Variants in MCFD2 observed in about 807,000 individuals in gnomAD.
MCFD2 encodes multiple coagulation factor deficiency protein 2.
In MCFD2, 11 loss-of-function variants were observed where a neutral mutation model predicts 12.8. The ratio of observed to expected loss-of-function variants is 0.86; its 90% CI spans 0.54 to 1.42. The LOEUF (loss-of-function observed/expected upper bound fraction) is 1.42. MCFD2 is among the 40% of genes most tolerant of loss of function. The pLI, the probability that MCFD2 is intolerant of heterozygous loss-of-function variation, is 0.00. For synonymous variants in MCFD2, 70 were observed against 68.1 expected, an observed-to-expected ratio of 1.03 and a Z score of -0.14; for missense variants, 191 against 178.6, an observed-to-expected ratio of 1.07 and a Z score of -0.40.
At chr2:46,920,890 TAAAG>T (rs1558472212) in intron 1 of MCFD2, among the ~76,000 whole-genome samples, 1 of 151,696 alleles carries the variant, frequency 6.6e-6, no homozygotes, top group Non-Finnish European at 1.5e-5. Context: ...CTTCGGTACT[TAAAG>T]AAATAAATAT....
chr2:46,911,850 C>T lies in MCFD2; in HGVS notation c.-6-2673G>A, dbSNP rs537822697. Among the ~76,000 whole-genome samples, 43 of 151,856 alleles carry T rather than the reference C, an allele frequency of 2.8e-4. No homozygotes were observed. In the East Asian group the frequency reaches 7.4e-3, roughly 26 times the overall value. Reference sequence around the variant, plus strand: ...CTGCGGCAGGAGAATGGCATGAACCCGGAGGTGGAGCCTGCAGTGAGCCGA... The same window carrying T: ...CTGCGGCAGGAGAATGGCATGAACCTGGAGGTGGAGCCTGCAGTGAGCCGA... On this transcript the variant is annotated intron_variant, in intron 1 of 3. Transcript: ENST00000319466.
rs1670265166 is a variant in MCFD2 at position 46,940,805 on chromosome 2, G to T, written c.-8+767C>A. On this transcript the variant is annotated intron_variant, in intron 1 of 2. Coordinates refer to the MCFD2 transcript ENST00000409147. The surrounding 1 kb of genome is among the most constrained non-coding windows in gnomAD (Gnocchi z 4.7). The stretch of plus-strand genomic sequence containing the variant: ...ATCGCAACAGGGCGGGGCGGACAGC[G>T]GCAGGCCAGCTCCCGGGAGGCTCGC... 6.6e-6 allele frequency among the ~76,000 whole-genome samples: 1 copy of T among 152,200 alleles called. No individual in the cohort carries two copies. Among genetic ancestry groups the T allele is most frequent in the Non-Finnish European group, 1.5e-5 (1 of 68,020 alleles).
At chr2:46,934,334 C>G (rs1669856921) in intron 1 of MCFD2, among the ~76,000 whole-genome samples, 1 of 152,240 alleles carries the variant, frequency 6.6e-6, no homozygotes, top group Non-Finnish European at 1.5e-5. Context: ...TCTCAGCTCA[C>G]TGCAACCTCT....
intron 3 of MCFD2, among the ~76,000 whole-genome samples, chr2:46,906,612 C>T (rs1227430826): frequency 6.6e-6 from 1 of 151,362 alleles, no homozygotes; most frequent in Non-Finnish European, 1.5e-5. Context: ...ACCCTCCCAC[C>T]CCGTCACCCC....
chr2:46,930,448 A>C (rs1572649020), intron 1 of MCFD2, among the ~76,000 whole-genome samples: 1 of 151,036 alleles, frequency 6.6e-6, no homozygotes, highest in Admixed American at 6.6e-5. Context: ...AAAAAAAAAA[A>C]ACTTACCAAA....
intron 1 of MCFD2, among the ~76,000 whole-genome samples, chr2:46,912,863 G>A (rs954657086): frequency 3.9e-5 from 6 of 152,156 alleles, no homozygotes; most frequent in African/African-American, 1.2e-4. Context: ...GAGCTGGGGG[G>A]ATTACCACCT....
upstream of MCFD2, among the ~76,000 whole-genome samples, chr2:46,918,772 A>G (rs1668948877): frequency 6.6e-6 from 1 of 152,106 alleles, no homozygotes; most frequent in African/African-American, 2.4e-5. Flanking sequence ...AACATTAGTG[A>G]GTGTTGCCTT....
chr2:46,926,226 GTGCTAGATGGTCGGGGAGACATA>G (rs1220483933), intron 1 of MCFD2, among the ~76,000 whole-genome samples: 1 of 152,228 alleles, frequency 6.6e-6, no homozygotes, highest in African/African-American at 2.4e-5. Context: ...GAGTGGAGCA[GTGCTAGATGGTCGGGGAGACATA>G]TTTAGTTAAT....
upstream of MCFD2, chr2:46,916,002 T>A: frequency 5.1e-6 from 5 of 985,330 alleles, no homozygotes; most frequent in Non-Finnish European, 1.2e-6. Flanking sequence ...AGGGCGACAC[T>A]CGGCTCCACT....
At chr2:46,928,930 A>C (rs1669547033) in intron 1 of MCFD2, among the ~76,000 whole-genome samples, 1 of 152,194 alleles carries the variant, frequency 6.6e-6, no homozygotes, top group African/African-American at 2.4e-5. Context: ...TGGGAGGCTG[A>C]GGTGGGTGGA....
chr2:46,915,569 C>T (rs1283978336), intron 1 of MCFD2, among the ~76,000 whole-genome samples, 154 bp downstream of exon 1: 3 of 152,204 alleles, frequency 2.0e-5, no homozygotes, highest in Non-Finnish European at 4.4e-5. Flanking sequence ...GGGAGACAGG[C>T]CGTGCTCCTA....
In MCFD2 at chr2:46,905,609, T is replaced by G; in HGVS notation, c.310-15A>C. The G allele has an allele frequency of 2.5e-6, 4 of 1,610,736 alleles. No homozygotes were observed. Among genetic ancestry groups the G allele is most frequent in the Non-Finnish European group, 2.5e-6 (3 of 1,179,058 alleles). ...TCACTCCCTTCCTACAAAATACAAA[T>G]TAGACAATGATGAGTTGCGCATTTT... On this transcript the variant is annotated splice_polypyrimidine_tract_variant and intron_variant, in intron 3 of 3. Coordinates refer to ENST00000319466, the MANE Select transcript of MCFD2 (RefSeq NM_139279.6).
intron 1 of MCFD2, among the ~76,000 whole-genome samples, chr2:46,932,517 A>G (rs1341015139): frequency 6.6e-6 from 1 of 152,170 alleles, no homozygotes. Flanking sequence ...ACATCTATGC[A>G]CTTTCTTTTG....
upstream of MCFD2, among the ~76,000 whole-genome samples, chr2:46,920,110 C>G (rs1669022139): frequency 6.6e-6 from 1 of 152,154 alleles, no homozygotes; most frequent in Admixed American, 6.5e-5. Context: ...TATCAAAGCA[C>G]ACATCACTCC....
rs890182689 is a variant in MCFD2, at chr2:46,902,512, T to C, written c.*2951A>G. On this transcript the variant is annotated 3_prime_UTR_variant, in exon 4 of 4. Transcript: ENST00000319466. ...AGAGAACACACTCAAATTCAGGGTC[T>C]CTCCCAGGTTGAAGAAGACAGAAAA... The C allele has an allele frequency of 3.3e-5, 5 of 152,612 alleles. No individual in the cohort carries two copies. The highest frequency in any genetic ancestry group is 7.3e-5 in the Non-Finnish European group (5 of 68,038). The allele number at this position is 152,612 out of a possible 1,614,324, so 9.5% of individuals were successfully genotyped here.
intron 1 of MCFD2, among the ~76,000 whole-genome samples, chr2:46,931,279 T>A (rs1341087581): frequency 1.3e-5 from 2 of 152,236 alleles, no homozygotes; most frequent in Non-Finnish European, 1.5e-5. Context: ...ATAGACAGGG[T>A]CTGGCTCTAT....
At chr2:46,917,210 G>T (rs1411345959), upstream of MCFD2, 7 of 700,514 alleles carry the variant, frequency 1.0e-5, no homozygotes, top group Non-Finnish European at 1.6e-5. Flanking sequence ...TGCCCAGCTC[G>T]TCTCGAACTC....
At position 46,905,447 on chromosome 2, in the gene MCFD2, G is replaced by C; in HGVS notation, c.*16C>G. 1 of 1,611,854 alleles carries C rather than the reference G, an allele frequency of 6.2e-7. No individual in the cohort carries two copies. Among genetic ancestry groups the C allele is most frequent in the South Asian group, 1.1e-5 (1 of 90,986 alleles). ...GGGTCACATTTGTATATAACCAGGA[G>C]ATGGCCAAATAACATCTACTGCAGT... On this transcript the variant is annotated 3_prime_UTR_variant, in exon 4 of 4. Transcript: ENST00000319466.
intron 1 of MCFD2, among the ~76,000 whole-genome samples, chr2:46,910,306 G>C (rs1265657106): frequency 5.3e-5 from 8 of 152,146 alleles, no homozygotes; most frequent in Admixed American, 5.2e-4. Context: ...AGGGCTGACA[G>C]ACTGACCTCA....
Sources: gnomAD v4.1 joint callset for allele counts (sites outside exome capture counted in the v4.1 genomes callset) on GRCh38, gnomAD v4.1.1 for gene constraint, Gnocchi (gnomAD v3.1) non-coding constraint, MANE v1.5 for transcripts, NCBI Gene and HGNC (gene_info 2026-07-23, HGNC 2026-07-21) for gene names.